The following FKBP5 variants were observed in gnomAD, a reference collection of about 807,000 sequenced individuals.
FKBP5 encodes the protein peptidyl-prolyl cis-trans isomerase FKBP5.
A neutral mutation model predicts 50.5 loss-of-function variants in FKBP5; 23 were observed. The ratio of observed to expected loss-of-function variants is 0.46; its 90% CI spans 0.33 to 0.65. FKBP5 has a LOEUF of 0.65. Ranked by LOEUF, FKBP5 falls within the 30% of genes least tolerant of loss-of-function variation. The pLI is 0.02. For synonymous variants in FKBP5, 176 were observed against 190.6 expected, an observed-to-expected ratio of 0.92 and a Z score of 0.63; for missense variants, 411 against 553.1, an observed-to-expected ratio of 0.74 and a Z score of 2.58.
Position 35,597,458 on chromosome 6 carries a change from T to A in FKBP5, c.509-54A>T. 2.6e-6 allele frequency: 4 copies of A among 1,555,618 alleles called. No homozygotes were observed. In the Admixed American group the frequency reaches 8.5e-5, roughly 33 times the overall value. On this transcript the variant is annotated intron_variant, in intron 5 of 10. Transcript: ENST00000357266. ...AGAGCTGCTTCTTAGGACTGGCTAA[T>A]TCAGTGAAGTGATAAATGAGTGGTC...
At chr6:35,706,713 A>G (rs1766324291) in intron 2 of FKBP5, among the ~76,000 whole-genome samples, 1 of 152,246 alleles carries the variant, frequency 6.6e-6, no homozygotes, top group African/African-American at 2.4e-5. Context: ...TTCCACTTCC[A>G]GGAATTCATT....
chr6:35,690,898 C>T (rs1472104551), upstream of FKBP5, among the ~76,000 whole-genome samples: 1 of 151,724 alleles, frequency 6.6e-6, no homozygotes, highest in East Asian at 1.9e-4. Flanking sequence ...CCCAGCTACT[C>T]GGGAGGCTGA....
At chr6:35,630,383 C>G (rs938282694) in intron 3 of FKBP5, among the ~76,000 whole-genome samples, 1 of 152,018 alleles carries the variant, frequency 6.6e-6, no homozygotes, top group Middle Eastern at 3.4e-3. Flanking sequence ...CCCGTCTCTA[C>G]TAAAAATATA....
chr6:35,606,614 C>T (rs1269624487), intron 5 of FKBP5, among the ~76,000 whole-genome samples: 6 of 119,470 alleles, frequency 5.0e-5, no homozygotes, highest in Middle Eastern at 0.017. Flanking sequence ...GAGCCAAGAT[C>T]GCGCCACTGC....
At chr6:35,708,699 G>T (rs908785533) in intron 2 of FKBP5, among the ~76,000 whole-genome samples, 6 of 152,002 alleles carry the variant, frequency 3.9e-5, no homozygotes, top group African/African-American at 1.5e-4. Context: ...TTGGAATAAA[G>T]AATAAATTTC....
Position 35,717,737 on chromosome 6 carries a change from C to T in FKBP5, c.-20+2591G>A, listed in dbSNP as rs117020810. 1.4e-4 allele frequency among the ~76,000 whole-genome samples: 22 copies of T among 152,264 alleles called. No individual in the cohort carries two copies. In the East Asian group the frequency reaches 4.2e-3, roughly 29 times the overall value. On this transcript the variant is annotated intron_variant, in intron 2 of 11. Transcript: ENST00000536438. ...CGGGTGTTTGTGAATGAGGACTGGA[C>T]GACTGAGGTGGGGCAGCTGTGCTTC...
intron 1 of FKBP5, among the ~76,000 whole-genome samples, chr6:35,723,275 T>A (rs113038897): frequency 0.039 from 5,920 of 151,742 alleles, 239 homozygotes; most frequent in African/African-American, 0.099. Context: ...AAAATAAAAA[T>A]AAATAAATAA....
chr6:35,600,028 C>A lies in FKBP5; in HGVS notation c.509-2624G>T, dbSNP rs115408269. Among the ~76,000 whole-genome samples, 529 of 152,194 alleles carry A rather than the reference C, an allele frequency of 3.5e-3. 5 individuals are homozygous for A. Among genetic ancestry groups the A allele is most frequent in the Admixed American group, 4.8e-3 (73 of 15,292 alleles). On this transcript the variant is annotated intron_variant, in intron 5 of 10. Coordinates refer to ENST00000357266, the MANE Select transcript of FKBP5 (RefSeq NM_004117.4). ...CTCGGCTAAGTGGTATAGCATATTG[C>A]TCCTAGGCTATAAATCTGTATAGCA... is the stretch of plus-strand genomic sequence containing the variant.
chr6:35,616,537 G>A (rs779540455), intron 5 of FKBP5, among the ~76,000 whole-genome samples: 1 of 151,906 alleles, frequency 6.6e-6, no homozygotes, highest in African/African-American at 2.4e-5. Flanking sequence ...ATAAGGGAAC[G>A]CGCTATACTA....
intron 2 of FKBP5, among the ~76,000 whole-genome samples, chr6:35,696,995 A>G (rs141346746): frequency 4.9e-4 from 75 of 152,304 alleles, no homozygotes; most frequent in African/African-American, 1.6e-3. Flanking sequence ...GGAATGTAAA[A>G]TGGTATGGCC....
intron 1 of FKBP5, among the ~76,000 whole-genome samples, chr6:35,671,158 G>A (rs925546208): frequency 2.0e-5 from 3 of 151,960 alleles, no homozygotes; most frequent in African/African-American, 7.3e-5. Context: ...CACCTACTTG[G>A]GTGGCTGAGG....
chr6:35,581,649 A>G, intron 8 of FKBP5: 3 of 985,504 alleles, frequency 3.0e-6, no homozygotes, highest in Non-Finnish European at 3.6e-6. Flanking sequence ...CAATGTGTCC[A>G]CTGTGATTTT....
intron 9 of FKBP5, among the ~76,000 whole-genome samples, chr6:35,578,629 G>A (rs1367088829): frequency 6.7e-6 from 1 of 148,686 alleles, no homozygotes; most frequent in Non-Finnish European, 1.5e-5. Context: ...TTAGCCTGGT[G>A]TGGTGGTCGG....
At position 35,608,268 on chromosome 6, in the gene FKBP5, T is replaced by C. The variant is rs147348090; in HGVS notation, c.508+10828A>G. Among the ~76,000 whole-genome samples, 666 of 152,318 alleles carry C rather than the reference T, an allele frequency of 4.4e-3. 2 individuals carry two copies. Among genetic ancestry groups the C allele is most frequent in the Middle Eastern group, 0.027 (8 of 294 alleles). On this transcript the variant is annotated intron_variant, in intron 5 of 10. Coordinates refer to ENST00000357266, the MANE Select transcript of FKBP5 (RefSeq NM_004117.4). ...TACAAGGGCTATATTCTATGTTCAC[T>C]ATCTGGATGATGGGTTCAATAGAAG...
Position 35,593,679 on chromosome 6 carries a change from C to T in FKBP5, c.666-2459G>A, listed in dbSNP as rs565522533. 9.2e-5 allele frequency among the ~76,000 whole-genome samples: 14 copies of T among 152,218 alleles called. No individual in the cohort carries two copies. The East Asian group carries it at 1.2e-3, about 13-fold the overall frequency. Reference sequence around the variant, plus strand: ...AAGCGATTCTCCTGCCTCAGCCTCCCGAGTAGCCGGAATTACAGGCATGCA... The same window carrying T: ...AAGCGATTCTCCTGCCTCAGCCTCCTGAGTAGCCGGAATTACAGGCATGCA... On this transcript the variant is annotated intron_variant, in intron 6 of 10. Coordinates refer to ENST00000357266, the MANE Select transcript of FKBP5 (RefSeq NM_004117.4).
chr6:35,721,426 T>C (rs1420364639), intron 1 of FKBP5, among the ~76,000 whole-genome samples: 1 of 151,802 alleles, frequency 6.6e-6, no homozygotes, highest in Non-Finnish European at 1.5e-5. Flanking sequence ...TTTTTTTATT[T>C]AAAAAACACA....
At chr6:35,710,081 A>T (rs933706913) in intron 2 of FKBP5, among the ~76,000 whole-genome samples, 1 of 152,210 alleles carries the variant, frequency 6.6e-6, no homozygotes, top group African/African-American at 2.4e-5. Context: ...AAGGATGCTC[A>T]GAGCAGTTGT....
intron 1 of FKBP5, among the ~76,000 whole-genome samples, chr6:35,651,607 C>T (rs771298461): frequency 2.0e-5 from 3 of 152,064 alleles, no homozygotes; most frequent in Non-Finnish European, 4.4e-5. Flanking sequence ...CAAATAAAAC[C>T]GTGGCTTTCA....
intron 2 of FKBP5, among the ~76,000 whole-genome samples, chr6:35,715,638 C>A (rs998465386): frequency 6.6e-6 from 1 of 152,158 alleles, no homozygotes; most frequent in African/African-American, 2.4e-5. Context: ...CTGAGGGAAC[C>A]AGGAGGAATT....
Sources: gnomAD v4.1 joint callset for allele counts (sites outside exome capture counted in the v4.1 genomes callset) on GRCh38, gnomAD v4.1.1 for gene constraint, MANE v1.5 for transcripts, NCBI Gene and HGNC (gene_info 2026-07-23, HGNC 2026-07-21) for gene names.